NFKB1: variants seen among roughly 807,000 people sequenced by gnomAD.
NFKB1 encodes the protein nuclear factor kappa B subunit 1.
A neutral mutation model predicts 105.1 loss-of-function variants in NFKB1; 9 were observed. The observed-to-expected ratio is 0.09, with a 90% CI of 0.05 to 0.15. The LOEUF is 0.15. Ranked by LOEUF, NFKB1 falls within the 10% of genes least tolerant of loss-of-function variation. The probability of loss-of-function intolerance (pLI) is 1.00; values close to 1 mark genes in which losing one functional copy is unlikely to be tolerated. For synonymous variants in NFKB1, 440 were observed against 442.2 expected (o/e 1.00, Z 0.06); for missense variants, 830 against 1,203.7 (o/e 0.69, Z 4.59).
rs1380751223 is a variant in NFKB1 at position 102,613,459 on chromosome 4, C to T, written c.2627C>T (p.Ala876Val). Residue 876 changes from alanine (A) to valine (V), a missense_variant, in exon 23 of 24, where the codon GCC (alanine) becomes GTC (valine). Coordinates refer to ENST00000226574, the MANE Select transcript of NFKB1 (RefSeq NM_003998.4). ...SGGTVRELVE[A>V]LRQMGYTEAI... ...GGTACAGTCAGAGAGCTGGTGGAGG[C>T]CCTGAGACAAATGGGCTACACCGAA... is the stretch of plus-strand genomic sequence containing the variant. The T allele has an allele frequency of 6.2e-7, 1 of 1,613,918 alleles. No individual in the cohort carries two copies. The highest frequency in any genetic ancestry group is 8.5e-7 in the Non-Finnish European group (1 of 1,179,970).
rs556947147 is a variant in NFKB1, at chr4:102,533,235, G to C, written c.119-610G>C. On this transcript the variant is annotated intron_variant, in intron 3 of 23. Coordinates refer to ENST00000226574, the MANE Select transcript of NFKB1 (RefSeq NM_003998.4). ...ACATTGGGAGTGTCGGGGAGGAAAG[G>C]GGAAACAAACTAACCAGTTAAGGAA... 2.2e-4 allele frequency among the ~76,000 whole-genome samples: 34 copies of C among 152,134 alleles called. No individual in the cohort carries two copies. The East Asian group carries it at 3.9e-3, about 17-fold the overall frequency.
chr4:102,521,139 G>A (rs1406981881), intron 1 of NFKB1, among the ~76,000 whole-genome samples: 1 of 152,146 alleles, frequency 6.6e-6, no homozygotes, highest in African/African-American at 2.4e-5. Flanking sequence ...GTTCCTTGCT[G>A]CAGTGAATAT....
chr4:102,516,322 C>A (rs1740180120), intron 1 of NFKB1, among the ~76,000 whole-genome samples: 1 of 151,414 alleles, frequency 6.6e-6, no homozygotes, highest in African/African-American at 2.4e-5. Flanking sequence ...TAAAAATTCT[C>A]AACTGTTATT....
At chr4:102,562,916 A>G (rs1204029111) in intron 5 of NFKB1, among the ~76,000 whole-genome samples, 1 of 152,178 alleles carries the variant, frequency 6.6e-6, no homozygotes, top group African/African-American at 2.4e-5. Context: ...ATCACTTCAC[A>G]AGCAAAGCTA....
intron 5 of NFKB1, among the ~76,000 whole-genome samples, chr4:102,545,285 T>A (rs529336802): frequency 6.6e-6 from 1 of 152,192 alleles, no homozygotes; most frequent in African/African-American, 2.4e-5. Flanking sequence ...TACCTTCACC[T>A]CCCTGGGGTC....
At position 102,562,446 on chromosome 4, in the gene NFKB1, C is replaced by T. The variant is rs75372171; in HGVS notation, c.259-4541C>T. Among the ~76,000 whole-genome samples the T allele has an allele frequency of 3.7e-4, 57 of 152,234 alleles. 1 individual carries two copies. The East Asian group carries it at 0.01, about 28-fold the overall frequency. ...GCATTCACCATGCATCGCTTCATCC[C>T]CTAGTTTACTGCAGTGTGTGGAACA... is the stretch of plus-strand genomic sequence containing the variant. On this transcript the variant is annotated intron_variant, in intron 5 of 23. Transcript: ENST00000226574.
intron 3 of NFKB1, among the ~76,000 whole-genome samples, chr4:102,530,530 A>G (rs951033374): frequency 1.3e-5 from 2 of 152,086 alleles, no homozygotes; most frequent in Non-Finnish European, 2.9e-5. Flanking sequence ...GCTTGGTGTG[A>G]TGGCTCTTTT....
At chr4:102,509,687 C>T (rs1739651601) in intron 1 of NFKB1, among the ~76,000 whole-genome samples, 1 of 152,138 alleles carries the variant, frequency 6.6e-6, no homozygotes, top group African/African-American at 2.4e-5. Flanking sequence ...TGTTAGGGTC[C>T]ATTCAGTAGA....
rs550528588 is a variant in NFKB1, at chr4:102,617,266, C to G, written c.*672C>G. 7 of 152,636 alleles carry G rather than the reference C, an allele frequency of 4.6e-5. No homozygotes were observed. The East Asian group carries it at 1.3e-3, about 29-fold the overall frequency. 9.5% of individuals were successfully genotyped at this position (152,636 alleles called of 1,614,324 possible). A position where few individuals can be genotyped will look rare whatever the true frequency, so the allele number is the denominator to read the frequency against. ...TTTATAAATGCTATTTTTTATTTTACTTTTATAATAAAAGGAAAAGCAAAT... is the reference window on the plus strand; with the variant it reads ...TTTATAAATGCTATTTTTTATTTTAGTTTTATAATAAAAGGAAAAGCAAAT... On this transcript the variant is annotated 3_prime_UTR_variant, in exon 24 of 24. Transcript: ENST00000226574.
chr4:102,521,722 AG>A (rs1740585104), intron 1 of NFKB1, among the ~76,000 whole-genome samples: 2 of 152,302 alleles, frequency 1.3e-5, no homozygotes, highest in South Asian at 4.1e-4. Context: ...TAATCCACTC[AG>A]TCCTACAGCC....
At chr4:102,575,317 C>T (rs930561790) in intron 6 of NFKB1, among the ~76,000 whole-genome samples, 1 of 152,142 alleles carries the variant, frequency 6.6e-6, no homozygotes, top group African/African-American at 2.4e-5. Context: ...GGTATGAGTG[C>T]TCATTTCATT....
intron 5 of NFKB1, among the ~76,000 whole-genome samples, chr4:102,538,513 T>C (rs192233732): frequency 6.6e-6 from 1 of 152,322 alleles, no homozygotes; most frequent in Admixed American, 6.5e-5. Context: ...ACATGTTCCA[T>C]AGAGAGCCTG....
intron 1 of NFKB1, among the ~76,000 whole-genome samples, chr4:102,503,893 T>C (rs1335548517): frequency 6.6e-6 from 1 of 152,212 alleles, no homozygotes; most frequent in Non-Finnish European, 1.5e-5. Context: ...TTGCAGATAA[T>C]TGATTAAGTA....
chr4:102,524,443 C>A (rs1308880564), intron 1 of NFKB1, among the ~76,000 whole-genome samples: 1 of 152,128 alleles, frequency 6.6e-6, no homozygotes, highest in Non-Finnish European at 1.5e-5. Flanking sequence ...TGGCTTGCTT[C>A]TGTGGAACAC....
At chr4:102,551,448 G>A (rs1010201801) in intron 5 of NFKB1, among the ~76,000 whole-genome samples, 7 of 152,032 alleles carry the variant, frequency 4.6e-5, no homozygotes, top group African/African-American at 1.7e-4. Context: ...CTCCTGGCTA[G>A]ATAGTCTCTC....
At chr4:102,579,186 C>A in intron 8 of NFKB1, 147 bp downstream of exon 8, 2 of 760,480 alleles carry the variant, frequency 2.6e-6, no homozygotes, top group Non-Finnish European at 2.0e-6. Context: ...ATAGGAAAAT[C>A]TAGCTTGAAA....
intron 9 of NFKB1, among the ~76,000 whole-genome samples, chr4:102,581,572 T>G (rs1725315246): frequency 6.6e-6 from 1 of 152,098 alleles, no homozygotes; most frequent in South Asian, 2.1e-4. Flanking sequence ...GAGGATTGCT[T>G]GAACCCAGGA....
chr4:102,606,653 A>G lies in NFKB1; in HGVS notation c.1910A>G (p.Lys637Arg), dbSNP rs1335623065. The change falls in exon 17 of 24, where the codon AAG becomes AGG. Residue 637 changes from lysine to arginine, a missense_variant. Lys to Arg is a conservative substitution (Grantham distance 26). Transcript: ENST00000226574. ...GATAAAGTTCTCAGTATCTTACTCA[A>G]GCACAAAAAGGCAGCACTACTTCTT... is the stretch of plus-strand genomic sequence containing the variant. ...GHDKVLSILL[K>R]HKKAALLLDH... 6.2e-7 allele frequency: 1 copy of G among 1,614,218 alleles called. No individual in the cohort carries two copies. Among genetic ancestry groups the G allele is most frequent in the Non-Finnish European group, 8.5e-7 (1 of 1,180,024 alleles).
chr4:102,544,453 A>G (rs1408847104), intron 5 of NFKB1, among the ~76,000 whole-genome samples: 3 of 152,112 alleles, frequency 2.0e-5, no homozygotes, highest in Non-Finnish European at 4.4e-5. Context: ...TTGCTCTTCC[A>G]TGCATTTGCA....
Sources: gnomAD v4.1 joint callset for allele counts (sites outside exome capture counted in the v4.1 genomes callset) on GRCh38, gnomAD v4.1.1 for gene constraint, MANE v1.5 for transcripts, NCBI Gene and HGNC (gene_info 2026-07-23, HGNC 2026-07-21) for gene names.